Variants in ABHD18 observed in about 807,000 individuals in gnomAD.
The protein encoded by ABHD18 is abhydrolase domain containing 18.
ABHD18 carries 55 observed loss-of-function variants against 65.9 expected under a neutral mutation model. That is an observed-to-expected ratio of 0.84 (90% CI 0.67 to 1.05). ABHD18 has a LOEUF of 1.05. Ranked by LOEUF, ABHD18 falls within the 50% of genes least tolerant of loss-of-function variation. The pLI is 0.00. For synonymous variants in ABHD18, 181 were observed against 180.2 expected, an observed-to-expected ratio of 1.00 and a Z score of -0.04; for missense variants, 533 against 558.5, an observed-to-expected ratio of 0.95 and a Z score of 0.46.
At chr4:127,994,959 A>C (rs564634857) in intron 4 of ABHD18, among the ~76,000 whole-genome samples, 6 of 152,294 alleles carry the variant, frequency 3.9e-5, no homozygotes, top group African/African-American at 1.4e-4. Context: ...GGCTTACTGC[A>C]ACCTCTGCCT....
intron 1 of ABHD18, among the ~76,000 whole-genome samples, chr4:127,979,181 AAG>A (rs1404153658): frequency 6.6e-6 from 1 of 152,212 alleles, no homozygotes. Flanking sequence ...CTGAATTTGA[AAG>A]AGCTTTGCAG....
chr4:127,986,325 T>C (rs766269121), intron 3 of ABHD18, among the ~76,000 whole-genome samples: 12 of 152,256 alleles, frequency 7.9e-5, no homozygotes, highest in Admixed American at 2.6e-4. Flanking sequence ...TCAAGGTTCA[T>C]CCATGTTGTA....
rs1579478581 is a variant in ABHD18 at position 128,030,888 on chromosome 4, T to C, written c.1343+216T>C. ...AGAGAACTAAGCATGATGCATATTA[T>C]AGGCATGCTTTATCGTGTGGCTTTC... On this transcript the variant is annotated intron_variant, in intron 12 of 12. Transcript: ENST00000645843. 6.3e-6 allele frequency: 8 copies of C among 1,274,462 alleles called. No individual in the cohort carries two copies. In the East Asian group the frequency reaches 2.4e-4, roughly 39 times the overall value. 78.9% of individuals were successfully genotyped at this position (1,274,462 alleles called of 1,614,324 possible).
chr4:127,984,932 T>C (rs1350546417), intron 3 of ABHD18, among the ~76,000 whole-genome samples: 1 of 152,252 alleles, frequency 6.6e-6, no homozygotes. Context: ...TGTTCACATA[T>C]ATTGGAAGCA....
chr4:127,989,669 A>G, intron 3 of ABHD18, 52 bp from the exon 4 acceptor site: 1 of 1,254,580 alleles, frequency 8.0e-7, no homozygotes, highest in Non-Finnish European at 1.1e-6. Context: ...TCCATGACAG[A>G]CCAAGATATC....
At chr4:128,014,902 AC>A (rs1043882016) in intron 7 of ABHD18, among the ~76,000 whole-genome samples, 15 of 152,018 alleles carry the variant, frequency 9.9e-5, no homozygotes, top group Middle Eastern at 6.8e-3. Flanking sequence ...ACAGTGTAAA[AC>A]CCTGTCTCTA....
chr4:128,034,948 G>C (rs1027983230), intron 12 of ABHD18, among the ~76,000 whole-genome samples: 1 of 152,060 alleles, frequency 6.6e-6, no homozygotes, highest in Non-Finnish European at 1.5e-5. Flanking sequence ...CATCGCGCCC[G>C]GCCTGTCTAT....
At chr4:127,995,699 T>G (rs985399072) in intron 4 of ABHD18, among the ~76,000 whole-genome samples, 5 of 152,176 alleles carry the variant, frequency 3.3e-5, no homozygotes, top group African/African-American at 1.2e-4. Context: ...ACTAAGTAAA[T>G]TCAATATTAT....
In ABHD18 at chr4:128,037,633, C is replaced by T. The variant is rs1356758237; in HGVS notation, c.*1820C>T. On this transcript the variant is annotated 3_prime_UTR_variant, in exon 13 of 13. Transcript: ENST00000645843. ...GATTATAGGTTTGAGCCACCACACC[C>T]GACCTGACATTTTATTTTTATTTTT... 1 of 152,076 alleles carries T rather than the reference C, an allele frequency of 6.6e-6. No individual in the cohort carries two copies. The highest frequency in any genetic ancestry group is 1.5e-5 in the Non-Finnish European group (1 of 68,010). 9.4% of individuals were successfully genotyped at this position (152,076 alleles called of 1,614,324 possible).
chr4:128,001,800 C>A (rs1239034619), intron 4 of ABHD18: 2 of 1,514,738 alleles, frequency 1.3e-6, no homozygotes, highest in Non-Finnish European at 1.8e-6. Flanking sequence ...CTTTTGTGGT[C>A]TTTTGTATAT....
rs751357932 is a variant in ABHD18, at chr4:128,023,585, T to TA, written c.801+2361dup. Among the ~76,000 whole-genome samples the TA allele has an allele frequency of 5.8e-3, 778 of 134,774 alleles. 5 individuals carry two copies. Among genetic ancestry groups the TA allele is most frequent in the African/African-American group, 0.013 (467 of 36,632 alleles). The allele number at this position is 134,774 out of a possible 152,430, so 88.4% of individuals were successfully genotyped here. On this transcript the variant is annotated intron_variant, in intron 10 of 12. Transcript: ENST00000645843. ...GGTGACAGAGCAAGACCATTTCTCT[T>TA]AAAAAAAAAAAAAAGGCTGGGCGCA...
At chr4:127,995,094 GGT>G (rs1560860047) in intron 4 of ABHD18, among the ~76,000 whole-genome samples, 1 of 152,050 alleles carries the variant, frequency 6.6e-6, no homozygotes, top group East Asian at 1.9e-4. Flanking sequence ...GGTCCAGGCT[GGT>G]GTCAAACTCC....
At chr4:127,987,251 C>T (rs1016696373) in intron 3 of ABHD18, among the ~76,000 whole-genome samples, 5 of 151,894 alleles carry the variant, frequency 3.3e-5, no homozygotes, top group South Asian at 2.1e-4. Flanking sequence ...ACTTGGGAGG[C>T]GGAGGCAGGA....
chr4:128,003,644 A>G (rs1329524139), intron 4 of ABHD18, among the ~76,000 whole-genome samples: 6 of 152,060 alleles, frequency 3.9e-5, no homozygotes. Context: ...AATTTTTTAT[A>G]TATTTGGAAG....
intron 11 of ABHD18, among the ~76,000 whole-genome samples, chr4:128,029,460 C>T (rs543495818): frequency 8.6e-5 from 13 of 151,014 alleles, no homozygotes; most frequent in African/African-American, 2.9e-4. Context: ...GTGGGAGGAC[C>T]GCTTGAGCCC....
intron 10 of ABHD18, among the ~76,000 whole-genome samples, chr4:128,023,899 A>AT (rs1486727657): frequency 1.3e-5 from 2 of 152,178 alleles, no homozygotes; most frequent in East Asian, 1.9e-4. Context: ...AACAAAAAAA[A>AT]GCTTTACCTG....
rs533962664 is a variant in ABHD18, at chr4:128,013,279, C to A, written c.470+1579C>A. On this transcript the variant is annotated intron_variant, in intron 7 of 12. Transcript: ENST00000645843. ...CAAATAGGAAGCTATTGAAATGATG[C>A]AGGAAAGAGTAGTGACTTTAGTTTA... 5.9e-5 allele frequency among the ~76,000 whole-genome samples: 9 copies of A among 152,092 alleles called. No homozygotes were observed. The East Asian group carries it at 1.5e-3, about 26-fold the overall frequency.
At chr4:128,001,256 T>G (rs1752585086) in intron 4 of ABHD18, among the ~76,000 whole-genome samples, 1 of 152,186 alleles carries the variant, frequency 6.6e-6, no homozygotes, top group South Asian at 2.1e-4. Flanking sequence ...CCATTCAGTA[T>G]GGTGTTGGCT....
intron 1 of ABHD18, among the ~76,000 whole-genome samples, chr4:127,982,368 ATTAT>A (rs948758922): frequency 3.3e-5 from 5 of 152,128 alleles, no homozygotes; most frequent in Admixed American, 6.6e-5. Flanking sequence ...AGTAGCAGTG[ATTAT>A]TTATTATTTT....
Sources: gnomAD v4.1 joint callset for allele counts (sites outside exome capture counted in the v4.1 genomes callset) on GRCh38, gnomAD v4.1.1 for gene constraint, MANE v1.5 for transcripts, NCBI Gene and HGNC (gene_info 2026-07-23, HGNC 2026-07-21) for gene names.